ATP13A4: variants seen among roughly 807,000 people sequenced by gnomAD.
ATP13A4 encodes probable cation-transporting ATPase 13A4.
ATP13A4 carries 114 observed loss-of-function variants against 142.5 expected under a neutral mutation model. That is an observed-to-expected ratio of 0.80 (90% CI 0.69 to 0.93). ATP13A4 has a LOEUF of 0.93. Among genes scored for constraint, ATP13A4 ranks in the 40% least tolerant of loss-of-function variants. The pLI is 0.00. For synonymous variants in ATP13A4, 488 were observed against 514.8 expected (o/e 0.95, Z 0.70); for missense variants, 1,392 against 1,454.0 (o/e 0.96, Z 0.69).
At chr3:193,407,918 C>T (rs1714582718) in intron 28 of ATP13A4, among the ~76,000 whole-genome samples, 1 of 152,242 alleles carries the variant, frequency 6.6e-6, no homozygotes, top group Admixed American at 6.5e-5. Context: ...GGGCTTCACC[C>T]TCAGGACTGT....
Position 193,467,457 on chromosome 3 carries a change from A to T in ATP13A4, c.973T>A (p.Leu325Ile). The T allele has an allele frequency of 6.2e-7, 1 of 1,613,788 alleles. No homozygotes were observed. Among genetic ancestry groups the T allele is most frequent in the African/African-American group, 1.3e-5 (1 of 75,016 alleles). The stretch of plus-strand genomic sequence containing the variant: ...GGCACAGAGCTATCCATCTTGGGTA[A>T]CGGAGTTTTGGTGACTGGAATACTT... ...GESIPVTKTP[L>I]PKMDSSVPWK... The change falls in exon 10 of 30, where the codon TTA (leucine) becomes ATA (isoleucine). Residue 325 changes from leucine (L) to isoleucine (I), a missense_variant. Coordinates refer to ENST00000342695, the MANE Select transcript of ATP13A4 (RefSeq NM_032279.4).
In ATP13A4 at chr3:193,484,014, G is replaced by T. The variant is rs371972091; in HGVS notation, c.739-9C>A. On this transcript the variant is annotated splice_polypyrimidine_tract_variant and intron_variant, in intron 7 of 29. Coordinates refer to ENST00000342695, the MANE Select transcript of ATP13A4 (RefSeq NM_032279.4). ...TGGAGTTTTACAGATTGCTGAAAAAGAAGGAAAAATGGAAAAGTCTTATCT... is the reference window on the plus strand; with the variant it reads ...TGGAGTTTTACAGATTGCTGAAAAATAAGGAAAAATGGAAAAGTCTTATCT... 6.2e-7 allele frequency: 1 copy of T among 1,600,260 alleles called. No homozygotes were observed.
chr3:193,422,108 T>C (rs886213787), intron 25 of ATP13A4, among the ~76,000 whole-genome samples: 2 of 149,928 alleles, frequency 1.3e-5, no homozygotes, highest in Non-Finnish European at 3.0e-5. Flanking sequence ...AAGAAGATAT[T>C]CTATGCAAAT....
At chr3:193,429,193 T>C (rs1715838861) in intron 25 of ATP13A4, among the ~76,000 whole-genome samples, 1 of 152,068 alleles carries the variant, frequency 6.6e-6, no homozygotes, top group Admixed American at 6.6e-5. Flanking sequence ...TTAGACCCCT[T>C]ATACATTGCT....
rs372120256 is a variant in ATP13A4 at position 193,411,021 on chromosome 3, A to G, written c.3258T>C (p.Ile1086=). ...ATAATTCTGGTATATCAGCAAATAG[A>G]ATGAATAGACATACACCAAGCTGTA... ...LIIQLGVCLF[I]LFADIPELYR... The change falls in exon 28 of 30, where the codon ATT becomes ATC. Residue 1086 remains isoleucine, a synonymous_variant. Coordinates refer to ENST00000342695, the MANE Select transcript of ATP13A4 (RefSeq NM_032279.4). The G allele has an allele frequency of 1.8e-5, 29 of 1,611,044 alleles. No homozygotes were observed. The African/African-American group carries it at 3.3e-4, about 19-fold the overall frequency.
At chr3:193,496,619 T>A (rs1720241662) in intron 3 of ATP13A4, among the ~76,000 whole-genome samples, 2 of 151,710 alleles carry the variant, frequency 1.3e-5, no homozygotes, top group Non-Finnish European at 2.9e-5. Flanking sequence ...AGCAAAACCA[T>A]GTCTCTACTA....
upstream of ATP13A4, chr3:193,554,945 T>G: frequency 6.3e-7 from 1 of 1,588,682 alleles, no homozygotes; most frequent in Non-Finnish European, 8.5e-7. Context: ...AGCACACACC[T>G]TCTCTCAACA....
intron 1 of ATP13A4, 55 bp downstream of exon 1, chr3:193,554,685 T>C: frequency 7.3e-7 from 1 of 1,370,270 alleles, no homozygotes; most frequent in Non-Finnish European, 1.0e-6. Context: ...TGTGTGTGTG[T>C]GTCTCGCAGG....
upstream of ATP13A4, among the ~76,000 whole-genome samples, chr3:193,559,967 T>C (rs566093902): frequency 6.6e-6 from 1 of 152,332 alleles, no homozygotes; most frequent in Admixed American, 6.5e-5. Context: ...TCAGTGTACT[T>C]AATTTTGAGA....
intron 28 of ATP13A4, 93 bp downstream of exon 28, chr3:193,410,888 CA>C: frequency 3.5e-6 from 3 of 849,030 alleles, no homozygotes; most frequent in Non-Finnish European, 5.9e-6. Context: ...TAATTTGTGT[CA>C]AAAATCATGT....
At position 193,401,281 on chromosome 3, in the gene ATP13A4, A is replaced by C. The variant is rs1002537171; in HGVS notation, c.*1371T>G. ...TCCTAGAGTTCAGTGTTGTCTCCTG[A>C]GGTAACAGAAACCTGAGTCTTCCTT... On this transcript the variant is annotated 3_prime_UTR_variant, in exon 30 of 30. Coordinates refer to ENST00000342695, the MANE Select transcript of ATP13A4 (RefSeq NM_032279.4). Among the ~76,000 whole-genome samples the C allele has an allele frequency of 4.6e-5, 7 of 152,294 alleles. No individual in the cohort carries two copies. The highest frequency in any genetic ancestry group is 2.1e-4 in the South Asian group (1 of 4,814).
chr3:193,510,836 G>A (rs1415659895), intron 2 of ATP13A4, among the ~76,000 whole-genome samples: 1 of 152,026 alleles, frequency 6.6e-6, no homozygotes, highest in East Asian at 1.9e-4. Flanking sequence ...TTAATAACAT[G>A]AAGAACAGAT....
intron 3 of ATP13A4, among the ~76,000 whole-genome samples, chr3:193,500,035 A>G (rs1442104705): frequency 1.3e-5 from 2 of 152,160 alleles, no homozygotes; most frequent in Admixed American, 1.3e-4. Context: ...AGGAGAAAAC[A>G]TCTCTGCCAG....
chr3:193,582,306 G>A (rs1016347524), intron 1 of ATP13A4, among the ~76,000 whole-genome samples: 3 of 148,888 alleles, frequency 2.0e-5, no homozygotes, highest in Non-Finnish European at 3.0e-5. Flanking sequence ...ACACCACTAC[G>A]CCCAGCTAAT....
chr3:193,463,506 C>T (rs984116680), intron 12 of ATP13A4, among the ~76,000 whole-genome samples: 7 of 146,582 alleles, frequency 4.8e-5, no homozygotes, highest in Non-Finnish European at 9.0e-5. Flanking sequence ...TAGGTTTAAA[C>T]ACCAGTTGTG....
At chr3:193,575,315 A>G (rs1724368452) in intron 2 of ATP13A4, among the ~76,000 whole-genome samples, 1 of 152,204 alleles carries the variant, frequency 6.6e-6, no homozygotes, top group Non-Finnish European at 1.5e-5. Context: ...AGTTTCTAGA[A>G]TTACTATGGA....
At chr3:193,559,414 G>A (rs766414799), upstream of ATP13A4, among the ~76,000 whole-genome samples, 4 of 152,140 alleles carry the variant, frequency 2.6e-5, no homozygotes, top group Non-Finnish European at 5.9e-5. Context: ...TAAAGTACTT[G>A]AGACCTTTAG....
intron 1 of ATP13A4, among the ~76,000 whole-genome samples, chr3:193,550,341 C>G: frequency 7.0e-6 from 1 of 143,848 alleles, no homozygotes; most frequent in Non-Finnish European, 1.5e-5. Context: ...GAGTCTCACT[C>G]TATCCCCCAG....
chr3:193,591,030 TG>T (rs1724755030), intron 1 of ATP13A4, among the ~76,000 whole-genome samples: 1 of 152,318 alleles, frequency 6.6e-6, no homozygotes, highest in African/African-American at 2.4e-5. Flanking sequence ...ATGTGAAATT[TG>T]TTGATTTTTA....
Sources: allele counts gnomAD v4.1 joint callset (sites outside exome capture counted in the v4.1 genomes callset), GRCh38; gene constraint gnomAD v4.1.1; transcripts MANE v1.5; gene names NCBI Gene and HGNC (gene_info 2026-07-23, HGNC 2026-07-21).